The following COL14A1 variants were observed in gnomAD, a reference collection of about 807,000 sequenced individuals.
COL14A1 encodes the protein collagen type XIV alpha 1 chain.
Under a neutral mutation model 230.3 loss-of-function variants are expected in COL14A1, and 136 were observed. That is an observed-to-expected ratio of 0.59 (90% CI 0.51 to 0.68). The LOEUF (loss-of-function observed/expected upper bound fraction) is 0.68, where lower values mean the gene tolerates loss of function less well. COL14A1 is among the 30% of genes least tolerant of loss of function. COL14A1 has a pLI of 0.00. For synonymous variants in COL14A1, 792 were observed against 784.1 expected, an observed-to-expected ratio of 1.01 and a Z score of -0.17; for missense variants, 1,976 against 2,215.8, an observed-to-expected ratio of 0.89 and a Z score of 2.17.
At chr8:120,200,485 G>A (rs1817201333) in intron 8 of COL14A1, among the ~76,000 whole-genome samples, 1 of 151,512 alleles carries the variant, frequency 6.6e-6, no homozygotes, top group East Asian at 1.9e-4. Flanking sequence ...CCCAGTTATA[G>A]TGGGTGCTGG....
intron 1 of COL14A1, among the ~76,000 whole-genome samples, chr8:120,132,002 C>T (rs570948536): frequency 6.6e-6 from 1 of 151,760 alleles, no homozygotes; most frequent in Admixed American, 6.6e-5. Flanking sequence ...ATATGCCCCA[C>T]CATGCCCAGA....
At chr8:120,125,498 G>T (rs1814299103) in intron 1 of COL14A1, among the ~76,000 whole-genome samples, 158 bp downstream of exon 1, 1 of 152,174 alleles carries the variant, frequency 6.6e-6, no homozygotes, top group African/African-American at 2.4e-5. Flanking sequence ...TTTGGGACGG[G>T]ATGGGACGGG....
In COL14A1 at chr8:120,332,053, C is replaced by A. The variant is rs149412429; in HGVS notation, c.4660-88C>A. The A allele has an allele frequency of 2.5e-4, 284 of 1,117,778 alleles. 1 individual carries two copies. In the African/African-American group the frequency reaches 3.2e-3, roughly 13 times the overall value. 69.2% of individuals were successfully genotyped at this position (1,117,778 alleles called of 1,614,324 possible). On this transcript the variant is annotated intron_variant, in intron 40 of 47. Coordinates refer to ENST00000297848, the MANE Select transcript of COL14A1 (RefSeq NM_021110.4). Reference sequence around the variant, plus strand: ...TCCAGAGCAAGCAGCAGGACTTGACCCCCAAACATGAAAAGGAACTAAATG... The same window carrying A: ...TCCAGAGCAAGCAGCAGGACTTGACACCCAAACATGAAAAGGAACTAAATG...
At position 120,203,681 on chromosome 8, in the gene COL14A1, C is replaced by A. The variant is rs768410346; in HGVS notation, c.878-28C>A. ...TCTTTCCAAGGGGGCATAAAAGTCA[C>A]CATTCTCTTTTTTGTCCTCTGTGTA... On this transcript the variant is annotated intron_variant, in intron 8 of 47. Transcript: ENST00000297848. The A allele has an allele frequency of 1.9e-6, 3 of 1,610,500 alleles. No individual in the cohort carries two copies. In the African/African-American group the frequency reaches 4.0e-5, roughly 22 times the overall value.
chr8:120,334,585 A>ACACACACACACACACACACAC (rs113923173), intron 42 of COL14A1, among the ~76,000 whole-genome samples: 5 of 144,694 alleles, frequency 3.5e-5, no homozygotes, highest in Admixed American at 2.1e-4. Context: ...CACACACAAA[A>ACACACACACACACACACACAC]ACACACACAC....
At chr8:120,242,942 A>G (rs1040558785) in intron 19 of COL14A1, among the ~76,000 whole-genome samples, 4 of 152,202 alleles carry the variant, frequency 2.6e-5, no homozygotes, top group Non-Finnish European at 5.9e-5. Context: ...CATTTTACCC[A>G]GCACTTGAAT....
intron 36 of COL14A1, among the ~76,000 whole-genome samples, chr8:120,302,216 C>T (rs1163657248): frequency 2.6e-5 from 4 of 152,180 alleles, no homozygotes; most frequent in African/African-American, 9.7e-5. Context: ...GTTACTTTTG[C>T]TGTGCAGAAG....
chr8:120,176,324 A>G (rs778534658), intron 5 of COL14A1, among the ~76,000 whole-genome samples: 35 of 152,162 alleles, frequency 2.3e-4, no homozygotes, highest in Admixed American at 3.9e-4. Flanking sequence ...GCAGGGCTCA[A>G]CACATGTGCT....
At chr8:120,353,551 A>G (rs1363182884) in intron 45 of COL14A1, among the ~76,000 whole-genome samples, 5 of 150,886 alleles carry the variant, frequency 3.3e-5, no homozygotes, top group African/African-American at 7.4e-5. Flanking sequence ...CAAGAAAAAA[A>G]CAAACCACCC....
At chr8:120,128,394 G>T (rs1814423834) in intron 1 of COL14A1, among the ~76,000 whole-genome samples, 1 of 152,080 alleles carries the variant, frequency 6.6e-6, no homozygotes, top group Admixed American at 6.5e-5. Flanking sequence ...GAGCTTCAAG[G>T]ATAAAAAGCA....
At chr8:120,283,557 A>G (rs1820104032) in intron 31 of COL14A1, 79 bp from the exon 32 acceptor site, 1 of 1,440,436 alleles carries the variant, frequency 6.9e-7, no homozygotes. Flanking sequence ...GTGTAATGAA[A>G]ATGTATTTGC....
intron 19 of COL14A1, among the ~76,000 whole-genome samples, chr8:120,242,313 T>G (rs1469683850): frequency 2.0e-5 from 3 of 152,234 alleles, no homozygotes; most frequent in Admixed American, 1.3e-4. Context: ...CCTCTTACTA[T>G]AAATCACAGC....
chr8:120,243,955 CTCCCATCTACACGGATGGCGAAG>C lies in COL14A1; in HGVS notation c.2427_2449del (p.Pro810ArgfsTer26), dbSNP rs1174777700. ...GATACTGAATACAAAGTCACAGTGA[CTCCCATCTACACGGATGGCGAAG>C]GCGTCAGCGTCTCCGCTCCTGGAAA... On this transcript the variant is annotated frameshift_variant, in exon 20 of 48. Transcript: ENST00000297848. LOFTEE classifies it high-confidence loss of function. 1 of 1,613,752 alleles carries C rather than the reference CTCCCATCTACACGGATGGCGAAG, an allele frequency of 6.2e-7. No homozygotes were observed. Among genetic ancestry groups the C allele is most frequent in the Non-Finnish European group, 8.5e-7 (1 of 1,179,720 alleles).
rs773181574 is a variant in COL14A1 at position 120,360,789 on chromosome 8, TG to T, written c.5078-6379del. Among the ~76,000 whole-genome samples the T allele has an allele frequency of 3.3e-5, 5 of 152,328 alleles. 1 individual carries two copies. The East Asian group carries it at 5.8e-4, about 18-fold the overall frequency. Reference sequence around the variant, plus strand: ...GATTCCCAGTGGCTGATGTTGGGACTGGGCTAGGCAGTTTATGTTGTTCGCC... The same window carrying T: ...GATTCCCAGTGGCTGATGTTGGGACTGGCTAGGCAGTTTATGTTGTTCGCC... On this transcript the variant is annotated intron_variant, in intron 45 of 47. Coordinates refer to ENST00000297848, the MANE Select transcript of COL14A1 (RefSeq NM_021110.4).
intron 34 of COL14A1, among the ~76,000 whole-genome samples, chr8:120,297,227 G>C (rs925928569): frequency 1.3e-5 from 2 of 151,888 alleles, no homozygotes; most frequent in African/African-American, 4.8e-5. Flanking sequence ...GTAAGGAAGA[G>C]TTTAACAGAG....
In COL14A1 at chr8:120,342,524, T is replaced by C. The variant is rs757713039; in HGVS notation, c.4888+78T>C. On this transcript the variant is annotated intron_variant, in intron 44 of 47. Coordinates refer to ENST00000297848, the MANE Select transcript of COL14A1 (RefSeq NM_021110.4). ...AAGAGAGTTTCTTTTCCCATGAGCGTACCACTAAGGAAAACTCTAAAGCAT... is the reference window on the plus strand; with the variant it reads ...AAGAGAGTTTCTTTTCCCATGAGCGCACCACTAAGGAAAACTCTAAAGCAT... 2.9e-5 allele frequency: 40 copies of C among 1,367,826 alleles called. 1 individual carries two copies. The highest frequency in any genetic ancestry group is 4.0e-5 in the Non-Finnish European group (38 of 960,510). 84.7% of individuals were successfully genotyped at this position (1,367,826 alleles called of 1,614,324 possible).
chr8:120,130,808 G>C (rs1814502190), intron 1 of COL14A1, among the ~76,000 whole-genome samples: 1 of 152,166 alleles, frequency 6.6e-6, no homozygotes, highest in Admixed American at 6.5e-5. Flanking sequence ...GGGTATGAAT[G>C]ATCCCATCAC....
At chr8:120,190,717 T>A (rs1816795249) in intron 5 of COL14A1, among the ~76,000 whole-genome samples, 1 of 152,218 alleles carries the variant, frequency 6.6e-6, no homozygotes, top group African/African-American at 2.4e-5. Context: ...TGCCACAATT[T>A]CAGATCCTGT....
intron 5 of COL14A1, among the ~76,000 whole-genome samples, chr8:120,188,185 C>T (rs541476060): frequency 5.3e-5 from 8 of 151,684 alleles, no homozygotes; most frequent in Admixed American, 5.3e-4. Context: ...TGGGTTCAAG[C>T]AATTCTCCTG....
Sources: allele counts gnomAD v4.1 joint callset (sites outside exome capture counted in the v4.1 genomes callset), GRCh38; gene constraint gnomAD v4.1.1; transcripts MANE v1.5; gene names NCBI Gene and HGNC (gene_info 2026-07-23, HGNC 2026-07-21).